CALCR: variants seen among roughly 807,000 people sequenced by gnomAD.
The protein encoded by CALCR is calcitonin receptor.
Under a neutral mutation model 59.5 loss-of-function variants are expected in CALCR, and 47 were observed. That is an observed-to-expected ratio of 0.79 (90% CI 0.63 to 1.01). CALCR has a LOEUF of 1.01. Ranked by LOEUF, CALCR falls within the 50% of genes least tolerant of loss-of-function variation. The pLI is 0.00. For missense variants in CALCR, 566 were observed against 597.1 expected (o/e 0.95, Z 0.54); for synonymous variants, 213 against 211.3 (o/e 1.01, Z -0.07).
chr7:93,430,214 C>T (rs2283000), intron 13 of CALCR, among the ~76,000 whole-genome samples: 21,584 of 152,040 alleles, frequency 0.14, 1,703 homozygotes, highest in East Asian at 0.35. Flanking sequence ...GGATTACAGG[C>T]GTGAGCCACC....
intron 2 of CALCR, among the ~76,000 whole-genome samples, chr7:93,539,739 A>G (rs997084431): frequency 2.6e-5 from 4 of 152,176 alleles, no homozygotes; most frequent in African/African-American, 9.7e-5. Context: ...AGAGCATTCT[A>G]TGGCAAAGGC....
chr7:93,437,826 T>A (rs1249332968), intron 11 of CALCR, among the ~76,000 whole-genome samples: 1 of 152,154 alleles, frequency 6.6e-6, no homozygotes, highest in African/African-American at 2.4e-5. Flanking sequence ...ATGAGCTACA[T>A]TGCTATTATA....
chr7:93,427,199 C>T (rs765291594), intron 13 of CALCR, among the ~76,000 whole-genome samples: 6 of 152,020 alleles, frequency 3.9e-5, no homozygotes, highest in African/African-American at 1.2e-4. Context: ...TTTATAAATA[C>T]GATAAATTAT....
At chr7:93,478,981 A>T (rs889655895) in intron 4 of CALCR, among the ~76,000 whole-genome samples, 5 of 151,850 alleles carry the variant, frequency 3.3e-5, no homozygotes, top group Non-Finnish European at 5.9e-5. Context: ...AATTAATCCA[A>T]GCAAGATAGG....
At chr7:93,440,221 T>C (rs957194580) in intron 9 of CALCR, among the ~76,000 whole-genome samples, 14 of 152,158 alleles carry the variant, frequency 9.2e-5, no homozygotes, top group African/African-American at 3.1e-4. Context: ...GTTTTGCTTC[T>C]TTTCTGGCAT....
At chr7:93,438,341 A>T in intron 9 of CALCR, 71 bp from the exon 10 acceptor site, 1 of 1,132,568 alleles carries the variant, frequency 8.8e-7, no homozygotes, top group Non-Finnish European at 1.3e-6. Flanking sequence ...TGCATGGACA[A>T]TGGTAGTGTA....
At chr7:93,476,730 T>C (rs1056454253) in intron 5 of CALCR, among the ~76,000 whole-genome samples, 1 of 151,912 alleles carries the variant, frequency 6.6e-6, no homozygotes, top group African/African-American at 2.4e-5. Context: ...ACTTCTAATG[T>C]AGTTGTCAAA....
chr7:93,507,751 C>CAAAA (rs562704303), intron 2 of CALCR, among the ~76,000 whole-genome samples: 1 of 52,046 alleles, frequency 1.9e-5, no homozygotes, highest in Non-Finnish European at 4.6e-5. Flanking sequence ...ACTAAAAATA[C>CAAAA]AAAAAAAAAA....
At chr7:93,543,443 C>T (rs1463909804) in intron 2 of CALCR, among the ~76,000 whole-genome samples, 1 of 152,132 alleles carries the variant, frequency 6.6e-6, no homozygotes, top group Admixed American at 6.6e-5. Flanking sequence ...CCGTGCGTGG[C>T]CTGTATATGT....
At chr7:93,432,608 G>T (rs191211735) in intron 13 of CALCR, among the ~76,000 whole-genome samples, 3 of 152,262 alleles carry the variant, frequency 2.0e-5, no homozygotes, top group African/African-American at 7.2e-5. Flanking sequence ...TCAATTGCTA[G>T]GGTACCCCTG....
chr7:93,492,417 C>A (rs1183786546), intron 2 of CALCR, among the ~76,000 whole-genome samples: 1 of 151,218 alleles, frequency 6.6e-6, no homozygotes, highest in Non-Finnish European at 1.5e-5. Flanking sequence ...ACAATGTATG[C>A]CTATTATACT....
At chr7:93,446,737 T>G (rs1162688667) in intron 8 of CALCR, among the ~76,000 whole-genome samples, 1 of 151,940 alleles carries the variant, frequency 6.6e-6, no homozygotes, top group Non-Finnish European at 1.5e-5. Context: ...CATGGGGTAT[T>G]AAGGAAGTCA....
At chr7:93,556,451 C>T (rs573923823) in intron 2 of CALCR, among the ~76,000 whole-genome samples, 10 of 152,080 alleles carry the variant, frequency 6.6e-5, no homozygotes, top group African/African-American at 2.4e-4. Flanking sequence ...TAACAAAATA[C>T]ATATTTTAAA....
rs1196098809 is a variant in CALCR at position 93,561,303 on chromosome 7, A to G, written c.-27+12986T>C. 2.0e-5 allele frequency among the ~76,000 whole-genome samples: 3 copies of G among 152,062 alleles called. No homozygotes were observed. The South Asian group carries it at 6.2e-4, about 31-fold the overall frequency. The stretch of plus-strand genomic sequence containing the variant: ...ACACTAATAACATCATTTTTTTTCA[A>G]GTGTAGCCTGCATCCTTGAAAATTC... On this transcript the variant is annotated intron_variant, in intron 2 of 13. Transcript: ENST00000426151.
rs538196270 is a variant in CALCR, at chr7:93,502,826, C to T, written c.-26-15819G>A. ...GATAGATGTTTTTGGTATGTTATTACTTTAAAAAGGGACTACAAACTGAAT... is the reference window on the plus strand; with the variant it reads ...GATAGATGTTTTTGGTATGTTATTATTTTAAAAAGGGACTACAAACTGAAT... On this transcript the variant is annotated intron_variant, in intron 2 of 13. Transcript: ENST00000426151. 8.9e-4 allele frequency among the ~76,000 whole-genome samples: 135 copies of T among 152,038 alleles called. 1 individual carries two copies. The Middle Eastern group carries it at 0.014, about 15-fold the overall frequency.
chr7:93,513,816 TTTG>T lies in CALCR; in HGVS notation c.-26-26812_-26-26810del, dbSNP rs565856961. Among the ~76,000 whole-genome samples, 630 of 151,622 alleles carry T rather than the reference TTTG, an allele frequency of 4.2e-3. 2 individuals carry two copies. Among genetic ancestry groups the T allele is most frequent in the African/African-American group, 7.4e-3 (306 of 41,462 alleles). ...TTATTTATAAATAAATATGTAGATA[TTTG>T]TTTTTATTTACAAATAAACATATAG... is the stretch of plus-strand genomic sequence containing the variant. On this transcript the variant is annotated intron_variant, in intron 2 of 13. Transcript: ENST00000426151.
intron 2 of CALCR, chr7:93,495,862 A>G (rs1246659063): frequency 6.6e-7 from 1 of 1,510,008 alleles, no homozygotes; most frequent in East Asian, 2.5e-5. Context: ...CTGGTGGGAC[A>G]ACCGAATCTA....
At chr7:93,571,858 A>G (rs1354393102) in intron 2 of CALCR, among the ~76,000 whole-genome samples, 11 of 152,298 alleles carry the variant, frequency 7.2e-5, no homozygotes, top group South Asian at 2.1e-4. Flanking sequence ...GTACTAGATT[A>G]TCATTGGCAC....
At chr7:93,495,252 A>G (rs1019847974) in intron 2 of CALCR, among the ~76,000 whole-genome samples, 1 of 151,438 alleles carries the variant, frequency 6.6e-6, no homozygotes, top group Admixed American at 6.6e-5. Flanking sequence ...AAGATCACTC[A>G]AAGAAAATCA....
Sources: allele counts gnomAD v4.1 joint callset (sites outside exome capture counted in the v4.1 genomes callset), GRCh38; gene constraint gnomAD v4.1.1; transcripts MANE v1.5; gene names NCBI Gene and HGNC (gene_info 2026-07-23, HGNC 2026-07-21).